Variants in MPC1L observed in about 807,000 individuals in gnomAD.
MPC1L encodes mitochondrial pyruvate carrier 1-like protein.
For synonymous variants in MPC1L, 62 were observed against 57.7 expected (o/e 1.08, Z -0.34); for missense variants, 116 against 129.5 (o/e 0.90, Z 0.50).
Position 40,623,680 on chromosome X carries a change from C to A in MPC1L, c.115C>A (p.Pro39Thr). 8.7e-7 allele frequency: 1 copy of A among 1,149,989 alleles called. No individual in the cohort carries two copies. Among genetic ancestry groups the A allele is most frequent in the Non-Finnish European group, 1.2e-6 (1 of 869,269 alleles). 94.8% of individuals were successfully genotyped at this position (1,149,989 alleles called of 1,213,427 possible). A position where few individuals can be genotyped will look rare whatever the true frequency, so the allele number is the denominator to read the frequency against. Residue 39 changes from proline (P) to threonine (T), a missense_variant, in exon 1 of 1, where the codon CCG (proline) becomes ACG (threonine). By Grantham distance (38) the Pro-to-Thr change is conservative (BLOSUM62 -1). Transcript: ENST00000423387. ...GGGTCCCGCGTTCAGCTGGGGCCTT[C>A]CGCTGGCTGCCTTTAAAGACATGAA... is the stretch of plus-strand genomic sequence containing the variant. ...FWGPAFSWGL[P>T]LAAFKDMKAS...
chrX:40,623,832 C>T lies in MPC1L; in HGVS notation c.267C>T (p.Asn89=), dbSNP rs1370090893. The T allele has an allele frequency of 3.5e-6, 4 of 1,156,500 alleles. No homozygotes were observed. The South Asian group carries it at 5.7e-5, about 16-fold the overall frequency. ...TGCTGATGGCGTGCCACTGTACCAA[C>T]GTGATGGCGCAGAGTGTGCAGGCCA... ...NLLLMACHCT[N]VMAQSVQASR... is the part of the protein sequence containing the mutation. The change falls in exon 1 of 1, where the codon AAC becomes AAT. Residue 89 remains asparagine, a synonymous_variant. Transcript: ENST00000423387.
chrX:40,623,974 T>G lies in MPC1L; in HGVS notation c.409T>G (p.Ter137GluextTer15), dbSNP rs1927458172. 8.9e-7 allele frequency: 1 copy of G among 1,117,995 alleles called. No homozygotes were observed. Among genetic ancestry groups the G allele is most frequent in the African/African-American group, 1.8e-5 (1 of 54,070 alleles). 92.1% of individuals were successfully genotyped at this position (1,117,995 alleles called of 1,213,427 possible). The change falls in exon 1 of 1, where the codon TAA (stop) becomes GAA (glutamate). Residue 137 changes from the stop codon to glutamate (E), a stop_lost. Transcript: ENST00000423387. ...TTCCCAGCCCCCGAAACAAGCTTCT[T>G]AAGAACTGAGAGGGCCTGATCTCAT... ...PGSQPPKQAS[*>E]
At position 40,623,625 on chromosome X, in the gene MPC1L, C is replaced by T. The variant is rs1377154903; in HGVS notation, c.60C>T (p.Phe20=). ...KMRDNFQSKE[F]REYVSSTHFW... is the part of the protein sequence containing the mutation. ...GAGATAACTTCCAGAGCAAGGAGTT[C>T]CGGGAATACGTGAGCAGCACTCACT... The change falls in exon 1 of 1, where the codon TTC becomes TTT. Residue 20 remains phenylalanine, a synonymous_variant. Transcript: ENST00000423387. 2 of 1,105,888 alleles carry T rather than the reference C, an allele frequency of 1.8e-6. No individual in the cohort carries two copies. Among genetic ancestry groups the T allele is most frequent in the Non-Finnish European group, 2.4e-6 (2 of 847,940 alleles). 91.1% of individuals were successfully genotyped at this position (1,105,888 alleles called of 1,213,427 possible). A position where few individuals can be genotyped will look rare whatever the true frequency, so the allele number is the denominator to read the frequency against.
In MPC1L at chrX:40,623,750, T is replaced by A; in HGVS notation, c.185T>A (p.Ile62Asn). The A allele has an allele frequency of 1.7e-6, 2 of 1,149,967 alleles. No homozygotes were observed. Among genetic ancestry groups the A allele is most frequent in the Non-Finnish European group, 2.3e-6 (2 of 870,059 alleles). 94.8% of individuals were successfully genotyped at this position (1,149,967 alleles called of 1,213,427 possible). ...IISGRMTTAL[I>N]LYSAIFMRFA... ...AGTGGCCGCATGACAACAGCGCTCATCTTGTACTCGGCGATCTTCATGCGC... is the reference window on the plus strand; with the variant it reads ...AGTGGCCGCATGACAACAGCGCTCAACTTGTACTCGGCGATCTTCATGCGC... Residue 62 changes from isoleucine to asparagine, a missense_variant, in exon 1 of 1, where the codon ATC (isoleucine) becomes AAC (asparagine). By Grantham distance (149) the Ile-to-Asn change is moderately radical (BLOSUM62 -3). Transcript: ENST00000423387.
Position 40,623,445 on chromosome X carries a change from C to T in MPC1L, c.-121C>T. On this transcript the variant is annotated 5_prime_UTR_variant, in exon 1 of 1. It adds an upstream start codon to the 5' untranslated region. Transcript: ENST00000423387. Reference sequence around the variant, plus strand: ...CTGTCGGCGCACTTTGTGGCAGCCACGCGAAGGCTCGAGGTCGCGAGCGTG... The same window carrying T: ...CTGTCGGCGCACTTTGTGGCAGCCATGCGAAGGCTCGAGGTCGCGAGCGTG... The T allele has an allele frequency of 3.6e-6, 2 of 552,293 alleles. No individual in the cohort carries two copies. Among genetic ancestry groups the T allele is most frequent in the South Asian group, 5.4e-5 (1 of 18,560 alleles). The allele number at this position is 552,293 out of a possible 1,213,427, so 45.5% of individuals were successfully genotyped here.
In MPC1L at chrX:40,623,464, G is replaced by A. The variant is rs931038793; in HGVS notation, c.-102G>A. Reference sequence around the variant, plus strand: ...CAGCCACGCGAAGGCTCGAGGTCGCGAGCGTGTGCCCAGTCAGGGTCGGCT... The same window carrying A: ...CAGCCACGCGAAGGCTCGAGGTCGCAAGCGTGTGCCCAGTCAGGGTCGGCT... On this transcript the variant is annotated 5_prime_UTR_variant, in exon 1 of 1. Transcript: ENST00000423387. The A allele has an allele frequency of 7.0e-6, 5 of 714,174 alleles. No individual in the cohort carries two copies. The highest frequency in any genetic ancestry group is 7.8e-5 in the East Asian group (2 of 25,615). 58.9% of individuals were successfully genotyped at this position (714,174 alleles called of 1,213,427 possible).
At position 40,623,811 on chromosome X, in the gene MPC1L, G is replaced by C; in HGVS notation, c.246G>C (p.Leu82=). The C allele has an allele frequency of 1.7e-6, 2 of 1,156,402 alleles. No homozygotes were observed. The highest frequency in any genetic ancestry group is 2.3e-6 in the Non-Finnish European group (2 of 873,023). The stretch of plus-strand genomic sequence containing the variant: ...GCGTACAGCCTCGAAACCTGCTGCT[G>C]ATGGCGTGCCACTGTACCAACGTGA... ...AYRVQPRNLL[L]MACHCTNVMA... Residue 82 remains leucine (L), a synonymous_variant, in exon 1 of 1, where the codon CTG becomes CTC. Transcript: ENST00000423387.
Position 40,624,047 on chromosome X carries a change from C to CA in MPC1L, c.*73dup. On this transcript the variant is annotated 3_prime_UTR_variant, in exon 1 of 1. Coordinates refer to ENST00000423387, the MANE Select transcript of MPC1L (RefSeq NM_001195522.3). ...ACTGCCATTCCTCCTGAAAAAAGAC[C>CA]AATGAAGACCTCGGTTTTGACTCTA... 1.0e-6 allele frequency: 1 copy of CA among 975,334 alleles called. No individual in the cohort carries two copies. Among genetic ancestry groups the CA allele is most frequent in the South Asian group, 2.6e-5 (1 of 38,632 alleles). The allele number at this position is 975,334 out of a possible 1,213,427, so 80.4% of individuals were successfully genotyped here. A position where few individuals can be genotyped will look rare whatever the true frequency, so the allele number is the denominator to read the frequency against.
chrX:40,623,724 C>T lies in MPC1L; in HGVS notation c.159C>T (p.Ile53=), dbSNP rs1173613907. The change falls in exon 1 of 1, where the codon ATC becomes ATT. Residue 53 remains isoleucine (I), a synonymous_variant. Transcript: ENST00000423387. ...ACATGAAGGCGTCGCCGGAGATCAT[C>T]AGTGGCCGCATGACAACAGCGCTCA... ...FKDMKASPEI[I]SGRMTTALIL... 5 of 1,147,704 alleles carry T rather than the reference C, an allele frequency of 4.4e-6. No homozygotes were observed. In the East Asian group the frequency reaches 1.3e-4, roughly 30 times the overall value. The allele number at this position is 1,147,704 out of a possible 1,213,427, so 94.6% of individuals were successfully genotyped here.
rs1478224270 is a variant in MPC1L, at chrX:40,623,945, C to CG, written c.383dup (p.Ser129PhefsTer15). 15 of 1,134,346 alleles carry CG rather than the reference C, an allele frequency of 1.3e-5. No homozygotes were observed. The highest frequency in any genetic ancestry group is 1.5e-5 in the Non-Finnish European group (13 of 865,098). 93.5% of individuals were successfully genotyped at this position (1,134,346 alleles called of 1,213,427 possible). On this transcript the variant is annotated frameshift_variant, in exon 1 of 1. Transcript: ENST00000423387. LOFTEE classifies it low-confidence loss of function (END_TRUNC). ...GCTACCGCCGCCGCTGCCACCAGCCCGGGTTCCCAGCCCCCGAAACAAGCT... is the reference window on the plus strand; with the variant it reads ...GCTACCGCCGCCGCTGCCACCAGCCCGGGGTTCCCAGCCCCCGAAACAAGCT...
rs1229794734 is a variant in MPC1L at position 40,623,879 on chromosome X, ACGG to A, written c.326_328del (p.Gly109del). 6.1e-6 allele frequency: 7 copies of A among 1,153,469 alleles called. No individual in the cohort carries two copies. The African/African-American group carries it at 9.0e-5, about 15-fold the overall frequency. On this transcript the variant is annotated inframe_deletion, in exon 1 of 1. Transcript: ENST00000423387. The stretch of plus-strand genomic sequence containing the variant: ...GCCAGTCGCTACCTACTCTACTACT[ACGG>A]CGGCGGCGGCGCCGAGGCTAAAGCC...
In MPC1L at chrX:40,623,533, T is replaced by C. The variant is rs1450673541; in HGVS notation, c.-33T>C. 1.9e-6 allele frequency: 2 copies of C among 1,053,077 alleles called. No individual in the cohort carries two copies. Among genetic ancestry groups the C allele is most frequent in the Admixed American group, 4.3e-5 (1 of 23,204 alleles). 86.8% of individuals were successfully genotyped at this position (1,053,077 alleles called of 1,213,427 possible). On this transcript the variant is annotated 5_prime_UTR_variant, in exon 1 of 1. Transcript: ENST00000423387. ...GCTCTATTTCGTTGTGGTCTGGCTGTTGATCCGTAGGCACGCCTACGGCTA... is the reference window on the plus strand; with the variant it reads ...GCTCTATTTCGTTGTGGTCTGGCTGCTGATCCGTAGGCACGCCTACGGCTA...
At position 40,623,934 on chromosome X, in the gene MPC1L, T is replaced by C. The variant is rs1927456797; in HGVS notation, c.369T>C (p.Ala123=). The C allele has an allele frequency of 3.5e-6, 4 of 1,139,464 alleles. No homozygotes were observed. Among genetic ancestry groups the C allele is most frequent in the Non-Finnish European group, 4.6e-6 (4 of 867,488 alleles). 93.9% of individuals were successfully genotyped at this position (1,139,464 alleles called of 1,213,427 possible). ...GCGACCCTCCGGCTACCGCCGCCGC[T>C]GCCACCAGCCCGGGTTCCCAGCCCC... ...KARDPPATAA[A]ATSPGSQPPK... The change falls in exon 1 of 1, where the codon GCT becomes GCC. Residue 123 remains alanine, a synonymous_variant. Transcript: ENST00000423387.
chrX:40,623,831 A>G lies in MPC1L; in HGVS notation c.266A>G (p.Asn89Ser). The G allele has an allele frequency of 8.6e-7, 1 of 1,156,208 alleles. No individual in the cohort carries two copies. The highest frequency in any genetic ancestry group is 1.1e-6 in the Non-Finnish European group (1 of 872,998). Residue 89 changes from asparagine (N) to serine (S), a missense_variant, in exon 1 of 1, where the codon AAC becomes AGC. Physicochemically the swap from Asn to Ser is conservative, Grantham distance 46 (BLOSUM62 1). Transcript: ENST00000423387. Reference sequence around the variant, plus strand: ...CTGCTGATGGCGTGCCACTGTACCAACGTGATGGCGCAGAGTGTGCAGGCC... The same window carrying G: ...CTGCTGATGGCGTGCCACTGTACCAGCGTGATGGCGCAGAGTGTGCAGGCC... ...NLLLMACHCTNVMAQSVQASR... is the reference protein window; with the variant it reads ...NLLLMACHCTSVMAQSVQASR...
In MPC1L at chrX:40,623,559, T is replaced by G; in HGVS notation, c.-7T>G. On this transcript the variant is annotated 5_prime_UTR_variant, in exon 1 of 1. Transcript: ENST00000423387. ...TGATCCGTAGGCACGCCTACGGCTATTCCATCATGGCGAGGATGGCGGTAC... is the reference window on the plus strand; with the variant it reads ...TGATCCGTAGGCACGCCTACGGCTAGTCCATCATGGCGAGGATGGCGGTAC... 6.5e-6 allele frequency: 7 copies of G among 1,078,975 alleles called. No homozygotes were observed. Among genetic ancestry groups the G allele is most frequent in the Non-Finnish European group, 7.2e-6 (6 of 835,270 alleles). 88.9% of individuals were successfully genotyped at this position (1,078,975 alleles called of 1,213,427 possible). A position where few individuals can be genotyped will look rare whatever the true frequency, so the allele number is the denominator to read the frequency against.
Position 40,623,522 on chromosome X carries a change from T to G in MPC1L, c.-44T>G. On this transcript the variant is annotated 5_prime_UTR_variant, in exon 1 of 1. Transcript: ENST00000423387. ...CTCGGCTTTGCGCTCTATTTCGTTG[T>G]GGTCTGGCTGTTGATCCGTAGGCAC... is the stretch of plus-strand genomic sequence containing the variant. The G allele has an allele frequency of 2.9e-6, 3 of 1,034,860 alleles. No individual in the cohort carries two copies. The South Asian group carries it at 8.4e-5, about 29-fold the overall frequency. The allele number at this position is 1,034,860 out of a possible 1,213,427, so 85.3% of individuals were successfully genotyped here.
rs985362056 is a variant in MPC1L at position 40,623,745 on chromosome X, GCTC to G, written c.181_183del (p.Leu61del). ...TCATCAGTGGCCGCATGACAACAGCGCTCATCTTGTACTCGGCGATCTTCATGC... is the reference window on the plus strand; with the variant it reads ...TCATCAGTGGCCGCATGACAACAGCGATCTTGTACTCGGCGATCTTCATGC... On this transcript the variant is annotated inframe_deletion, in exon 1 of 1. Transcript: ENST00000423387. 9.6e-6 allele frequency: 11 copies of G among 1,147,654 alleles called. No individual in the cohort carries two copies. The African/African-American group carries it at 2.0e-4, about 21-fold the overall frequency. 94.6% of individuals were successfully genotyped at this position (1,147,654 alleles called of 1,213,427 possible).
Position 40,623,579 on chromosome X carries a change from C to A in MPC1L, c.14C>A (p.Ala5Glu). The A allele has an allele frequency of 9.2e-7, 1 of 1,086,766 alleles. No individual in the cohort carries two copies. The highest frequency in any genetic ancestry group is 1.2e-6 in the Non-Finnish European group (1 of 838,658). The allele number at this position is 1,086,766 out of a possible 1,213,427, so 89.6% of individuals were successfully genotyped here. MARM[A>E]VLWRKMRDNF... The stretch of plus-strand genomic sequence containing the variant: ...GGCTATTCCATCATGGCGAGGATGG[C>A]GGTACTGTGGCGGAAGATGAGAGAT... The change falls in exon 1 of 1, where the codon GCG becomes GAG. Residue 5 changes from alanine to glutamate, a missense_variant. By Grantham distance (107) the Ala-to-Glu change is moderately radical. Transcript: ENST00000423387.
At position 40,623,788 on chromosome X, in the gene MPC1L, G is replaced by C; in HGVS notation, c.223G>C (p.Val75Leu). 1 of 1,155,663 alleles carries C rather than the reference G, an allele frequency of 8.7e-7. No homozygotes were observed. The highest frequency in any genetic ancestry group is 1.1e-6 in the Non-Finnish European group (1 of 872,721). The change falls in exon 1 of 1, where the codon GTA (valine) becomes CTA (leucine). Residue 75 changes from valine (V) to leucine (L), a missense_variant. Val to Leu is a conservative substitution (Grantham distance 32, BLOSUM62 1). Transcript: ENST00000423387. ...SAIFMRFAYR[V>L]QPRNLLLMAC... is the part of the protein sequence containing the mutation. Reference sequence around the variant, plus strand: ...GATCTTCATGCGCTTCGCCTACCGCGTACAGCCTCGAAACCTGCTGCTGAT... The same window carrying C: ...GATCTTCATGCGCTTCGCCTACCGCCTACAGCCTCGAAACCTGCTGCTGAT...
Sources: allele counts gnomAD v4.1 joint callset, GRCh38; gene constraint gnomAD v4.1.1; transcripts MANE v1.5; gene names NCBI Gene and HGNC (gene_info 2026-07-23, HGNC 2026-07-21).